PPP4R4: variants seen among roughly 807,000 people sequenced by gnomAD.
The protein encoded by PPP4R4 is protein phosphatase 4 regulatory subunit 4.
A neutral mutation model predicts 121.8 loss-of-function variants in PPP4R4; 70 were observed. The ratio of observed to expected loss-of-function variants is 0.57; its 90% CI spans 0.47 to 0.70. The LOEUF (loss-of-function observed/expected upper bound fraction) is 0.70, where lower values mean the gene tolerates loss of function less well. PPP4R4 is among the 30% of genes least tolerant of loss of function. PPP4R4 has a pLI of 0.00. For synonymous variants in PPP4R4, 348 were observed against 355.7 expected (o/e 0.98, Z 0.24); for missense variants, 875 against 1,033.6 (o/e 0.85, Z 2.10).
At chr14:94,183,094 G>A (rs1889077732) in intron 2 of PPP4R4, among the ~76,000 whole-genome samples, 1 of 152,020 alleles carries the variant, frequency 6.6e-6, no homozygotes, top group South Asian at 2.1e-4. Context: ...CTACACTGTT[G>A]GTTAGAAGAC....
chr14:94,210,779 G>C (rs961457740), intron 3 of PPP4R4, among the ~76,000 whole-genome samples: 1 of 152,166 alleles, frequency 6.6e-6, no homozygotes, highest in Non-Finnish European at 1.5e-5. Context: ...GGGCTTTATG[G>C]GGGTAACTCC....
At position 94,244,663 on chromosome 14, in the gene PPP4R4, A is replaced by G. The variant is rs891563035; in HGVS notation, c.1295A>G (p.Tyr432Cys). ...TCTAAGCTTCTGAATTCTGGAGTAT[A>G]TTTAATACATAAAGAACTAATAACA... ...EVSKLLNSGV[Y>C]LIHKELITLL... The change falls in exon 12 of 25, where the codon TAT becomes TGT. Residue 432 changes from tyrosine (Y) to cysteine (C), a missense_variant. Tyr to Cys is a radical substitution (Grantham distance 194). Transcript: ENST00000304338. 4.0e-5 allele frequency: 60 copies of G among 1,497,006 alleles called. No homozygotes were observed. The highest frequency in any genetic ancestry group is 5.3e-5 in the Non-Finnish European group (58 of 1,104,334). 92.7% of individuals were successfully genotyped at this position (1,497,006 alleles called of 1,614,324 possible).
chr14:94,197,954 A>G (rs1265057929), intron 2 of PPP4R4, among the ~76,000 whole-genome samples: 1 of 152,210 alleles, frequency 6.6e-6, no homozygotes, highest in Non-Finnish European at 1.5e-5. Flanking sequence ...TTGTTAGTGA[A>G]CATCTGGATT....
At chr14:94,188,749 G>A (rs1343664337) in intron 2 of PPP4R4, among the ~76,000 whole-genome samples, 1 of 152,132 alleles carries the variant, frequency 6.6e-6, no homozygotes, top group African/African-American at 2.4e-5. Context: ...CAAAAAGTCA[G>A]TATGTGAGGT....
intron 2 of PPP4R4, among the ~76,000 whole-genome samples, chr14:94,204,934 A>G (rs1481738380): frequency 6.6e-6 from 1 of 152,174 alleles, no homozygotes; most frequent in East Asian, 1.9e-4. Flanking sequence ...GAGTACATTG[A>G]TTTTTAATAT....
chr14:94,199,692 TAGCAG>T (rs1334543645), intron 2 of PPP4R4, among the ~76,000 whole-genome samples: 1 of 152,074 alleles, frequency 6.6e-6, no homozygotes, highest in African/African-American at 2.4e-5. Flanking sequence ...TCGGGCTGCT[TAGCAG>T]CCCGCGCTCT....
chr14:94,274,635 G>GTGAGGA (rs1894535719), intron 23 of PPP4R4, among the ~76,000 whole-genome samples: 1 of 152,176 alleles, frequency 6.6e-6, no homozygotes, highest in Non-Finnish European at 1.5e-5. Flanking sequence ...ACAATATCAA[G>GTGAGGA]TGTGTGTGAG....
At chr14:94,259,159 G>T (rs1893636415) in intron 18 of PPP4R4, 136 bp from the exon 19 acceptor site, 1 of 1,415,312 alleles carries the variant, frequency 7.1e-7, no homozygotes, top group Non-Finnish European at 9.5e-7. Flanking sequence ...CAACATGTGG[G>T]AATTAGGGGA....
intron 1 of PPP4R4, 117 bp downstream of exon 1, chr14:94,174,699 C>G: frequency 4.8e-6 from 7 of 1,456,158 alleles, no homozygotes; most frequent in Non-Finnish European, 6.4e-6. Context: ...CCGGGACCCT[C>G]TCAGTCGGGC....
At chr14:94,189,990 C>T (rs1889505360) in intron 2 of PPP4R4, among the ~76,000 whole-genome samples, 1 of 151,836 alleles carries the variant, frequency 6.6e-6, no homozygotes, top group African/African-American at 2.4e-5. Flanking sequence ...TCTTCTCCTT[C>T]CTGTAATACT....
At chr14:94,224,089 G>A (rs1891562607) in intron 3 of PPP4R4, among the ~76,000 whole-genome samples, 1 of 152,234 alleles carries the variant, frequency 6.6e-6, no homozygotes, top group Middle Eastern at 3.4e-3. Context: ...GGCAAGATAA[G>A]GGGAGATAGG....
chr14:94,185,461 T>G (rs550316599), intron 2 of PPP4R4, among the ~76,000 whole-genome samples: 1 of 151,932 alleles, frequency 6.6e-6, no homozygotes, highest in Non-Finnish European at 1.5e-5. Flanking sequence ...AAGCCACGAG[T>G]GTGCCACTGA....
At position 94,233,693 on chromosome 14, in the gene PPP4R4, C is replaced by G. The variant is rs1290708269; in HGVS notation, c.557C>G (p.Thr186Arg). 11 of 1,604,792 alleles carry G rather than the reference C, an allele frequency of 6.9e-6. No homozygotes were observed. The highest frequency in any genetic ancestry group is 9.4e-6 in the Non-Finnish European group (11 of 1,174,380). The change falls in exon 6 of 25, where the codon ACA (threonine) becomes AGA (arginine). Residue 186 changes from threonine to arginine, a missense_variant. Coordinates refer to ENST00000304338, the MANE Select transcript of PPP4R4 (RefSeq NM_058237.2). The stretch of plus-strand genomic sequence containing the variant: ...GTTTCCAAGGCACAACTTTCCCAAA[C>G]AGTCCAGTCTCGTTTAGTTAGTTGT... ...PLVSKAQLSQ[T>R]VQSRLVSCKI...
intron 8 of PPP4R4, among the ~76,000 whole-genome samples, chr14:94,240,288 T>C (rs1409259983): frequency 6.6e-6 from 1 of 152,196 alleles, no homozygotes; most frequent in Admixed American, 6.5e-5. Context: ...GTATGAGATG[T>C]GTGTAAAAGA....
chr14:94,264,853 A>G (rs1028001258), intron 19 of PPP4R4, 25 bp from the exon 20 acceptor site: 12 of 1,545,236 alleles, frequency 7.8e-6, no homozygotes, highest in Non-Finnish European at 1.1e-5. Flanking sequence ...TGTACCTTTA[A>G]TGCAAGATAC....
At chr14:94,262,640 A>T (rs763476748) in intron 19 of PPP4R4, among the ~76,000 whole-genome samples, 17 of 152,030 alleles carry the variant, frequency 1.1e-4, no homozygotes, top group Non-Finnish European at 1.9e-4. Context: ...TTAAGTTGTC[A>T]TATGTATCTT....
At chr14:94,247,064 C>A (rs1347616405) in intron 14 of PPP4R4, among the ~76,000 whole-genome samples, 2 of 152,158 alleles carry the variant, frequency 1.3e-5, no homozygotes, top group Non-Finnish European at 2.9e-5. Flanking sequence ...CTATTGATAA[C>A]CTTATAATTA....
intron 23 of PPP4R4, among the ~76,000 whole-genome samples, chr14:94,273,942 G>T (rs886198019): frequency 6.6e-6 from 1 of 152,070 alleles, no homozygotes; most frequent in South Asian, 2.1e-4. Context: ...TGGGCATTTA[G>T]TGTAACCTAA....
At chr14:94,235,219 T>C (rs1036434237) in intron 7 of PPP4R4, among the ~76,000 whole-genome samples, 1 of 152,116 alleles carries the variant, frequency 6.6e-6, no homozygotes, top group Non-Finnish European at 1.5e-5. Flanking sequence ...AGTCTGTACA[T>C]GTTCAGTAAA....
Sources: gnomAD v4.1 joint callset for allele counts (sites outside exome capture counted in the v4.1 genomes callset) on GRCh38, gnomAD v4.1.1 for gene constraint, MANE v1.5 for transcripts, NCBI Gene and HGNC (gene_info 2026-07-23, HGNC 2026-07-21) for gene names.